Variants in SLC14A2 observed in about 807,000 individuals in gnomAD.
SLC14A2 encodes the protein solute carrier family 14 member 2.
Under a neutral mutation model 104.6 loss-of-function variants are expected in SLC14A2, and 91 were observed. The observed-to-expected ratio is 0.87, with a 90% confidence interval of 0.73 to 1.04. The LOEUF (loss-of-function observed/expected upper bound fraction) is 1.04, where lower values mean the gene tolerates loss of function less well. SLC14A2 is among the 50% of genes least tolerant of loss of function. SLC14A2 has a pLI of 0.00. For synonymous variants in SLC14A2, 476 were observed against 466.4 expected (o/e 1.02, Z -0.27); for missense variants, 1,189 against 1,156.0 (o/e 1.03, Z -0.41).
intron 18 of SLC14A2, among the ~76,000 whole-genome samples, chr18:45,677,204 C>T (rs2046241522): frequency 2.0e-5 from 3 of 152,220 alleles, no homozygotes; most frequent in Admixed American, 2.0e-4. Flanking sequence ...GAGGGTTTTC[C>T]TGCTAGTAAT....
chr18:45,292,725 C>T (rs1187537115), intron 1 of SLC14A2, among the ~76,000 whole-genome samples: 2 of 152,072 alleles, frequency 1.3e-5, no homozygotes, highest in Non-Finnish European at 2.9e-5. Flanking sequence ...GCTACATTGG[C>T]GTATATATTG....
chr18:45,384,506 C>T (rs1313042601), intron 1 of SLC14A2, among the ~76,000 whole-genome samples: 1 of 152,160 alleles, frequency 6.6e-6, no homozygotes, highest in East Asian at 1.9e-4. Flanking sequence ...CTTAGGGCTG[C>T]AGGGGACACC....
intron 1 of SLC14A2, among the ~76,000 whole-genome samples, chr18:45,282,801 TTCCCTACCTCCC>T (rs1380050080): frequency 6.6e-6 from 1 of 152,084 alleles, no homozygotes; most frequent in Non-Finnish European, 1.5e-5. Flanking sequence ...AATTTATTTC[TTCCCTACCTCCC>T]TCCCTACCTC....
intron 1 of SLC14A2, among the ~76,000 whole-genome samples, chr18:45,431,488 G>A (rs2086514023): frequency 6.6e-6 from 1 of 152,300 alleles, no homozygotes; most frequent in South Asian, 2.1e-4. Context: ...ACTACTTTGT[G>A]CAGTGCCTAG....
chr18:45,192,636 G>GTTTTTTTTTTT, the SLC14A2 span, among the ~76,000 whole-genome samples: 73 of 112,736 alleles, frequency 6.5e-4, no homozygotes, highest in Middle Eastern at 4.4e-3. Flanking sequence ...GTGTGTGTGT[G>GTTTTTTTTTTT]GTTTTTTTTT....
At chr18:45,640,115 A>G (rs1469796176) in intron 7 of SLC14A2, among the ~76,000 whole-genome samples, 2 of 152,070 alleles carry the variant, frequency 1.3e-5, no homozygotes, top group Non-Finnish European at 2.9e-5. Context: ...TAAAGAAAAA[A>G]AAGTACAAAA....
chr18:45,551,912 G>T (rs2044061205), intron 2 of SLC14A2, among the ~76,000 whole-genome samples: 1 of 152,178 alleles, frequency 6.6e-6, no homozygotes, highest in Non-Finnish European at 1.5e-5. Flanking sequence ...ATCCTCAGCT[G>T]ATATTGCCAT....
At chr18:45,472,330 T>C (rs2087266067) in intron 1 of SLC14A2, among the ~76,000 whole-genome samples, 1 of 152,222 alleles carries the variant, frequency 6.6e-6, no homozygotes, top group South Asian at 2.1e-4. Context: ...AGTGCTGCAG[T>C]AAATACACGT....
At chr18:45,475,339 TATATTC>T (rs2087338901) in intron 1 of SLC14A2, among the ~76,000 whole-genome samples, 1 of 152,078 alleles carries the variant, frequency 6.6e-6, no homozygotes, top group Non-Finnish European at 1.5e-5. Flanking sequence ...GAGAAGAATG[TATATTC>T]TGTTGACTTG....
chr18:45,677,375 C>G (rs576338333), intron 18 of SLC14A2, among the ~76,000 whole-genome samples: 1 of 152,164 alleles, frequency 6.6e-6, no homozygotes, highest in Non-Finnish European at 1.5e-5. Flanking sequence ...CCCCTCTATT[C>G]GGGGGCCTTG....
chr18:45,319,108 A>C (rs962904665), intron 1 of SLC14A2, among the ~76,000 whole-genome samples: 17 of 151,924 alleles, frequency 1.1e-4, no homozygotes, highest in African/African-American at 4.1e-4. Flanking sequence ...ATTTCTGCCC[A>C]CCTTTGACCC....
At chr18:45,539,733 G>A (rs1240543772) in intron 2 of SLC14A2, among the ~76,000 whole-genome samples, 6 of 152,032 alleles carry the variant, frequency 3.9e-5, no homozygotes, top group South Asian at 2.1e-4. Flanking sequence ...TACATGTGAC[G>A]AAACCTTGCT....
At chr18:45,681,807 G>A (rs573972081) in intron 19 of SLC14A2, among the ~76,000 whole-genome samples, 1 of 152,320 alleles carries the variant, frequency 6.6e-6, no homozygotes, top group Admixed American at 6.5e-5. Context: ...ATTCAAGAGA[G>A]GGATTCTGTT....
chr18:45,340,511 C>A (rs1031855739), intron 1 of SLC14A2, among the ~76,000 whole-genome samples: 2 of 152,168 alleles, frequency 1.3e-5, no homozygotes, highest in Admixed American at 1.3e-4. Flanking sequence ...GGTAGAGTAT[C>A]TCTGATATTC....
At chr18:45,678,324 G>A (rs545543016) in intron 18 of SLC14A2, among the ~76,000 whole-genome samples, 26 of 152,256 alleles carry the variant, frequency 1.7e-4, no homozygotes, top group Middle Eastern at 3.4e-3. Flanking sequence ...CTACTAGCTG[G>A]GCACACAATA....
intron 2 of SLC14A2, among the ~76,000 whole-genome samples, chr18:45,583,980 A>T (rs73953211): frequency 6.6e-6 from 1 of 152,224 alleles, no homozygotes; most frequent in Non-Finnish European, 1.5e-5. Context: ...TAATGTGTTT[A>T]TTTAGCCCAA....
chr18:45,364,359 A>G (rs914864767), intron 1 of SLC14A2, among the ~76,000 whole-genome samples: 1 of 152,230 alleles, frequency 6.6e-6, no homozygotes, highest in African/African-American at 2.4e-5. Flanking sequence ...ATATCTCAAA[A>G]TGTCACTATA....
At chr18:45,573,594 A>G (rs947265302) in intron 2 of SLC14A2, among the ~76,000 whole-genome samples, 3 of 152,384 alleles carry the variant, frequency 2.0e-5, no homozygotes, top group East Asian at 1.9e-4. Context: ...CATCCATAAT[A>G]CATTAGAAAC....
chr18:45,472,691 TC>T (rs1291118627), intron 1 of SLC14A2, among the ~76,000 whole-genome samples: 1 of 152,256 alleles, frequency 6.6e-6, no homozygotes, highest in East Asian at 1.9e-4. Flanking sequence ...GAAGTGTCTG[TC>T]CATATCCTTC....
Sources: allele counts gnomAD v4.1 joint callset (sites outside exome capture counted in the v4.1 genomes callset), GRCh38; gene constraint gnomAD v4.1.1; transcripts MANE v1.5; gene names NCBI Gene and HGNC (gene_info 2026-07-23, HGNC 2026-07-21).